Variants in ADGRG2 observed in about 807,000 individuals in gnomAD.
ADGRG2 encodes the protein G protein-coupled receptor 64.
Under a neutral mutation model 74.1 loss-of-function variants are expected in ADGRG2, and 26 were observed. The ratio of observed to expected loss-of-function variants is 0.35; its 90% CI spans 0.26 to 0.49. The LOEUF is 0.49. Ranked by LOEUF, ADGRG2 falls within the 20% of genes least tolerant of loss-of-function variation. The pLI is 0.99. For synonymous variants in ADGRG2, 296 were observed against 295.2 expected (o/e 1.00, Z -0.03); for missense variants, 619 against 763.1 (o/e 0.81, Z 2.22).
In ADGRG2 at chrX:19,104,270, T is replaced by C. The variant is rs139219639; in HGVS notation, c.-47+18172A>G. Among the ~76,000 whole-genome samples, 87 of 110,180 alleles carry C rather than the reference T, an allele frequency of 7.9e-4. 1 individual carries two copies. The East Asian group carries it at 0.025, about 31-fold the overall frequency. Reference sequence around the variant, plus strand: ...AGTTGGCTGCAGCCAGGATGTGGTTTGTAGGAGCCCCCGGGATGTGATCAA... The same window carrying C: ...AGTTGGCTGCAGCCAGGATGTGGTTCGTAGGAGCCCCCGGGATGTGATCAA... On this transcript the variant is annotated intron_variant, in intron 1 of 28. Transcript: ENST00000379869.
rs374765061 is a variant in ADGRG2 at position 19,047,794 on chromosome X, A to G, written c.119-7570T>C. 7.2e-5 allele frequency among the ~76,000 whole-genome samples: 8 copies of G among 111,229 alleles called. No homozygotes were observed. The East Asian group carries it at 1.4e-3, about 19-fold the overall frequency. On this transcript the variant is annotated intron_variant, in intron 3 of 28. Transcript: ENST00000379869. ...CTCTTAAGGGCTTGGGATAACAGACACTCTTCCAGGAACGGCATTTTCCGA... is the reference window on the plus strand; with the variant it reads ...CTCTTAAGGGCTTGGGATAACAGACGCTCTTCCAGGAACGGCATTTTCCGA...
chrX:19,107,896 C>T (rs942922010), intron 1 of ADGRG2, among the ~76,000 whole-genome samples: 2 of 103,457 alleles, frequency 1.9e-5, no homozygotes, highest in Non-Finnish European at 3.9e-5. Flanking sequence ...GTCAGGAGAT[C>T]GAGACCATCC....
chrX:19,058,208 C>T (rs5955682), intron 3 of ADGRG2, among the ~76,000 whole-genome samples: 32,120 of 110,706 alleles, frequency 0.29, 3,573 homozygotes, highest in East Asian at 0.42. Flanking sequence ...GGGGTTATAG[C>T]AGGGAATAAA....
chrX:19,120,500 A>C (rs907953867), intron 1 of ADGRG2, among the ~76,000 whole-genome samples: 2 of 112,309 alleles, frequency 1.8e-5, no homozygotes, highest in Non-Finnish European at 3.8e-5. Flanking sequence ...TCTTAGACTT[A>C]TCTCTTCAGA....
intron 15 of ADGRG2, among the ~76,000 whole-genome samples, chrX:19,018,296 T>TG (rs2060511302): frequency 1.8e-5 from 2 of 108,344 alleles, no homozygotes; most frequent in African/African-American, 6.8e-5. Context: ...TTTGTTTGTT[T>TG]TTTTTTAATT....
intron 1 of ADGRG2, among the ~76,000 whole-genome samples, chrX:19,116,268 T>C (rs1310624541): frequency 9.1e-6 from 1 of 109,478 alleles, no homozygotes; most frequent in African/African-American, 3.3e-5. Flanking sequence ...CCCAGCACTA[T>C]AGGAGGCCGA....
chrX:18,998,600 CT>C (rs768424519), intron 26 of ADGRG2, among the ~76,000 whole-genome samples: 1,140 of 81,181 alleles, frequency 0.014, 19 homozygotes, highest in African/African-American at 0.044. Flanking sequence ...ACAGATAGTA[CT>C]TTTTTTTTTT....
intron 1 of ADGRG2, among the ~76,000 whole-genome samples, chrX:19,112,699 T>A (rs181855178): frequency 1.1e-4 from 11 of 103,143 alleles, no homozygotes; most frequent in Admixed American, 7.4e-4. Context: ...CTGTCTGTAA[T>A]CCCAGCACTC....
chrX:19,041,676 A>G (rs1484326081), intron 3 of ADGRG2, among the ~76,000 whole-genome samples: 1 of 112,004 alleles, frequency 8.9e-6, no homozygotes, highest in Non-Finnish European at 1.9e-5. Flanking sequence ...TGCAGCCAAC[A>G]AGGCAAATGT....
intron 16 of ADGRG2, among the ~76,000 whole-genome samples, chrX:19,012,206 G>A (rs1331805976): frequency 9.0e-6 from 1 of 111,660 alleles, no homozygotes; most frequent in East Asian, 2.8e-4. Flanking sequence ...GAACCATTAC[G>A]TTTATTCTAA....
intron 3 of ADGRG2, among the ~76,000 whole-genome samples, chrX:19,041,738 C>T (rs2146757121): frequency 8.9e-6 from 1 of 112,001 alleles, no homozygotes; most frequent in South Asian, 3.7e-4. Flanking sequence ...GTTACTTCTT[C>T]CTTAGTCTCT....
chrX:19,099,139 G>A (rs931788743), intron 1 of ADGRG2, among the ~76,000 whole-genome samples: 31 of 110,696 alleles, frequency 2.8e-4, no homozygotes, highest in African/African-American at 8.9e-4. Context: ...AGCTGAGATC[G>A]CGCCACTGCA....
At chrX:18,992,934 T>C (rs146615753) in intron 28 of ADGRG2, among the ~76,000 whole-genome samples, 1 of 112,143 alleles carries the variant, frequency 8.9e-6, no homozygotes, top group African/African-American at 3.2e-5. Flanking sequence ...GAGCCCCAGA[T>C]GACCCTGCTC....
At position 19,023,407 on chromosome X, in the gene ADGRG2, A is replaced by G. The variant is rs754247440; in HGVS notation, c.548+9T>C. On this transcript the variant is annotated intron_variant, in intron 13 of 28. Transcript: ENST00000379869. ...AATTATATTTATGAAAGTATTAAAA[A>G]TGACTGACCTTTGGGCCTCTGCTGT... The G allele has an allele frequency of 9.3e-7, 1 of 1,074,784 alleles. No individual in the cohort carries two copies. Among genetic ancestry groups the G allele is most frequent in the Non-Finnish European group, 1.3e-6 (1 of 789,638 alleles). The allele number at this position is 1,074,784 out of a possible 1,213,427, so 88.6% of individuals were successfully genotyped here. A position where few individuals can be genotyped will look rare whatever the true frequency, so the allele number is the denominator to read the frequency against.
In ADGRG2 at chrX:19,019,673, A is replaced by T. The variant is rs199926690; in HGVS notation, c.644-8T>A. 6 of 1,090,340 alleles carry T rather than the reference A, an allele frequency of 5.5e-6. No individual in the cohort carries two copies. The East Asian group carries it at 1.5e-4, about 27-fold the overall frequency. The allele number at this position is 1,090,340 out of a possible 1,213,427, so 89.9% of individuals were successfully genotyped here. On this transcript the variant is annotated splice_polypyrimidine_tract_variant and splice_region_variant and intron_variant, in intron 14 of 28. Coordinates refer to ENST00000379869, the MANE Select transcript of ADGRG2 (RefSeq NM_001079858.3). ...CAGAACAGCAGCAGTGTTCTAGGAG[A>T]GACAAAAGGAAAAGGAGTAAGAAAA...
At chrX:19,098,258 A>G (rs1293964122) in intron 1 of ADGRG2, among the ~76,000 whole-genome samples, 2 of 109,941 alleles carry the variant, frequency 1.8e-5, no homozygotes, top group African/African-American at 3.3e-5. Context: ...AATGTGTAGG[A>G]AAAATCTCCT....
chrX:19,012,614 A>G (rs1202059198), intron 16 of ADGRG2, among the ~76,000 whole-genome samples: 1 of 103,944 alleles, frequency 9.6e-6, no homozygotes, highest in Non-Finnish European at 2.0e-5. Flanking sequence ...GCAACATAGC[A>G]AGACCCCAAA....
intron 4 of ADGRG2, among the ~76,000 whole-genome samples, chrX:19,039,845 A>C (rs2061019248): frequency 1.8e-5 from 2 of 112,045 alleles, no homozygotes; most frequent in Non-Finnish European, 3.8e-5. Context: ...CTCCTCCCTT[A>C]AATGTAAAAA....
chrX:19,093,193 T>C (rs1247913762), intron 1 of ADGRG2, among the ~76,000 whole-genome samples: 1 of 112,195 alleles, frequency 8.9e-6, no homozygotes, highest in African/African-American at 3.2e-5. Context: ...CCACTTCCTC[T>C]TCCCAGCGTC....
Sources: gnomAD v4.1 joint callset for allele counts (sites outside exome capture counted in the v4.1 genomes callset) on GRCh38, gnomAD v4.1.1 for gene constraint, MANE v1.5 for transcripts, NCBI Gene and HGNC (gene_info 2026-07-23, HGNC 2026-07-21) for gene names.